Variants in MCTP1 observed in about 807,000 individuals in gnomAD.
MCTP1 encodes multiple C2 and transmembrane domain-containing protein 1.
In MCTP1, 69 loss-of-function variants were observed where a neutral mutation model predicts 120.6. That is an observed-to-expected ratio of 0.57 (90% confidence interval 0.47 to 0.70). The LOEUF (loss-of-function observed/expected upper bound fraction) is 0.70, where lower values mean the gene tolerates loss of function less well. MCTP1 is among the 30% of genes least tolerant of loss of function. MCTP1 has a pLI of 0.00. For synonymous variants in MCTP1, 529 were observed against 493.1 expected (o/e 1.07, Z -0.96); for missense variants, 1,203 against 1,248.8 (o/e 0.96, Z 0.55).
In MCTP1 at chr5:94,884,403, T is replaced by C. The variant is rs186905580; in HGVS notation, c.1933+4476A>G. On this transcript the variant is annotated intron_variant, in intron 12 of 22. Transcript: ENST00000515393. ...ATAACCTTGTTCCTTGACTCCTCTC[T>C]GGTTTCCAATTTAAACAAGTCCCCA... Among the ~76,000 whole-genome samples the C allele has an allele frequency of 6.6e-5, 10 of 152,286 alleles. No individual in the cohort carries two copies. The East Asian group carries it at 1.9e-3, about 30-fold the overall frequency.
At chr5:95,241,819 T>C (rs1244163319) in intron 1 of MCTP1, among the ~76,000 whole-genome samples, 1 of 152,192 alleles carries the variant, frequency 6.6e-6, no homozygotes, top group African/African-American at 2.4e-5. Flanking sequence ...TGTATAGAAA[T>C]GAGTCACTTC....
chr5:95,160,223 A>C (rs1745568196), intron 1 of MCTP1, among the ~76,000 whole-genome samples: 1 of 152,214 alleles, frequency 6.6e-6, no homozygotes, highest in Admixed American at 6.5e-5. Context: ...GAGATATGTT[A>C]TCCTGGGTGA....
At chr5:95,186,875 A>G (rs1310357427) in intron 1 of MCTP1, among the ~76,000 whole-genome samples, 1 of 152,214 alleles carries the variant, frequency 6.6e-6, no homozygotes, top group East Asian at 1.9e-4. Flanking sequence ...ACAGACCCAC[A>G]AAATACATCC....
chr5:94,902,014 C>G (rs914250796), intron 10 of MCTP1, among the ~76,000 whole-genome samples: 1 of 152,154 alleles, frequency 6.6e-6, no homozygotes, highest in Non-Finnish European at 1.5e-5. Flanking sequence ...ATGGCTAACA[C>G]GAAGGGGTCA....
intron 10 of MCTP1, among the ~76,000 whole-genome samples, chr5:94,907,609 G>T (rs73136028): frequency 6.6e-6 from 1 of 152,106 alleles, no homozygotes. Flanking sequence ...ACAAAGTGAA[G>T]TGAGATAGTT....
At chr5:94,935,915 G>A (rs1816074746) in intron 5 of MCTP1, among the ~76,000 whole-genome samples, 1 of 151,990 alleles carries the variant, frequency 6.6e-6, no homozygotes, top group Non-Finnish European at 1.5e-5. Flanking sequence ...TTTTACAGAT[G>A]CAGTATGCTA....
At chr5:95,101,578 G>A (rs1034699709) in intron 1 of MCTP1, among the ~76,000 whole-genome samples, 2 of 152,210 alleles carry the variant, frequency 1.3e-5, no homozygotes, top group Non-Finnish European at 2.9e-5. Context: ...AATCAATCAG[G>A]TGGGGCCTGG....
chr5:95,210,780 T>C (rs10059462), intron 1 of MCTP1, among the ~76,000 whole-genome samples: 24,342 of 152,140 alleles, frequency 0.16, 2,403 homozygotes, highest in Non-Finnish European at 0.22. Flanking sequence ...CGATGGTCTC[T>C]ACATTTTGGC....
chr5:94,894,861 A>T, intron 10 of MCTP1, 26 bp from the exon 11 acceptor site: 1 of 1,391,530 alleles, frequency 7.2e-7, no homozygotes, highest in South Asian at 1.5e-5. Context: ...TTGAATCAGC[A>T]AGTGGCTTTT....
At chr5:95,199,341 T>A (rs10037505) in intron 1 of MCTP1, among the ~76,000 whole-genome samples, 25,302 of 152,010 alleles carry the variant, frequency 0.17, 2,474 homozygotes, top group Non-Finnish European at 0.22. Flanking sequence ...AGAATACATA[T>A]GATAAAGGCT....
chr5:95,208,729 A>G (rs1316460209), intron 1 of MCTP1, among the ~76,000 whole-genome samples: 2 of 97,026 alleles, frequency 2.1e-5, no homozygotes, highest in East Asian at 2.5e-4. Context: ...ACCCTTTCAG[A>G]AAAAAAAAAA....
chr5:94,716,423 T>C (rs1580274492), intron 19 of MCTP1, among the ~76,000 whole-genome samples: 1 of 152,070 alleles, frequency 6.6e-6, no homozygotes, highest in African/African-American at 2.4e-5. Context: ...GTTTCACCTA[T>C]ACAATTGTGC....
At chr5:94,885,477 G>A (rs1314728402) in intron 12 of MCTP1, among the ~76,000 whole-genome samples, 1 of 152,118 alleles carries the variant, frequency 6.6e-6, no homozygotes, top group African/African-American at 2.4e-5. Context: ...GACTTGGAAT[G>A]TTCTGTTGAG....
At chr5:94,736,675 A>G (rs1162423206) in intron 19 of MCTP1, among the ~76,000 whole-genome samples, 1 of 152,172 alleles carries the variant, frequency 6.6e-6, no homozygotes, top group Non-Finnish European at 1.5e-5. Flanking sequence ...ACACCCTTGC[A>G]TGCATATTTT....
At chr5:95,097,402 T>C (rs753387375) in intron 1 of MCTP1, among the ~76,000 whole-genome samples, 3 of 152,140 alleles carry the variant, frequency 2.0e-5, no homozygotes, top group Admixed American at 6.5e-5. Flanking sequence ...GATTGTAAGA[T>C]TGATTCAGGA....
intron 3 of MCTP1, among the ~76,000 whole-genome samples, chr5:94,946,318 G>A (rs1052747603): frequency 7.2e-5 from 11 of 152,032 alleles, no homozygotes; most frequent in Non-Finnish European, 8.8e-5. Context: ...TACTGAATCC[G>A]TTCCAGATGG....
chr5:94,777,522 T>C (rs1775638774), intron 19 of MCTP1, among the ~76,000 whole-genome samples: 1 of 152,094 alleles, frequency 6.6e-6, no homozygotes. Flanking sequence ...GGGTTTCCAT[T>C]TATTAACATT....
At chr5:95,102,751 G>A (rs930924910) in intron 1 of MCTP1, among the ~76,000 whole-genome samples, 13 of 152,292 alleles carry the variant, frequency 8.5e-5, no homozygotes, top group Admixed American at 4.6e-4. Flanking sequence ...TAAGGGTAGG[G>A]ATCACAGGAA....
intron 1 of MCTP1, among the ~76,000 whole-genome samples, chr5:95,240,627 T>C (rs1283126202): frequency 6.6e-6 from 1 of 152,204 alleles, no homozygotes; most frequent in Non-Finnish European, 1.5e-5. Context: ...ATAGTGAATA[T>C]TCAACAGACT....
Sources: allele counts gnomAD v4.1 joint callset (sites outside exome capture counted in the v4.1 genomes callset), GRCh38; gene constraint gnomAD v4.1.1; transcripts MANE v1.5; gene names NCBI Gene and HGNC (gene_info 2026-07-23, HGNC 2026-07-21).